Variants in CCDC7 observed in about 807,000 individuals in gnomAD.
CCDC7 encodes the protein coiled-coil domain containing 7, also known as coiled-coil domain-containing protein 7.
CCDC7 carries 183 observed loss-of-function variants against 196.9 expected under a neutral mutation model. That is an observed-to-expected ratio of 0.93 (90% CI 0.82 to 1.05). The LOEUF (loss-of-function observed/expected upper bound fraction) is 1.05, where lower values mean the gene tolerates loss of function less well. CCDC7 is among the 50% of genes least tolerant of loss of function. The pLI is 0.00. For synonymous variants in CCDC7, 525 were observed against 484.6 expected (o/e 1.08, Z -1.10); for missense variants, 1,540 against 1,482.2 (o/e 1.04, Z -0.64).
At chr10:32,881,292 TG>T (rs903395659), downstream of CCDC7, among the ~76,000 whole-genome samples, 44 of 152,260 alleles carry the variant, frequency 2.9e-4, no homozygotes, top group African/African-American at 1.1e-3. Context: ...GTTCTCAGTG[TG>T]TTGTGTTCTT....
At chr10:32,629,328 T>C (rs779720296) in intron 18 of CCDC7, among the ~76,000 whole-genome samples, 31 of 152,106 alleles carry the variant, frequency 2.0e-4, no homozygotes, top group Non-Finnish European at 4.0e-4. Flanking sequence ...TGCTCTCTTT[T>C]GGTTTCCTGG....
At chr10:32,496,183 C>G (rs2042891331) in intron 9 of CCDC7, among the ~76,000 whole-genome samples, 1 of 151,978 alleles carries the variant, frequency 6.6e-6, no homozygotes, top group South Asian at 2.1e-4. Context: ...CATGATTTGG[C>G]TCTCTGTCTG....
At chr10:32,597,240 C>G (rs1035424451) in intron 18 of CCDC7, among the ~76,000 whole-genome samples, 8 of 151,996 alleles carry the variant, frequency 5.3e-5, no homozygotes, top group Admixed American at 5.2e-4. Flanking sequence ...CTCTTTTTTT[C>G]TCTAAACTTC....
At chr10:32,524,253 A>G (rs973567469) in intron 11 of CCDC7, among the ~76,000 whole-genome samples, 3 of 152,102 alleles carry the variant, frequency 2.0e-5, no homozygotes, top group African/African-American at 7.2e-5. Context: ...TGAACAGAAT[A>G]CACGTGGAAA....
rs559588944 is a variant in CCDC7 at position 32,777,046 on chromosome 10, C to A, written c.2906-1931C>A. Among the ~76,000 whole-genome samples, 218 of 152,234 alleles carry A rather than the reference C, an allele frequency of 1.4e-3. 1 individual carries two copies. Among genetic ancestry groups the A allele is most frequent in the African/African-American group, 5.0e-3 (207 of 41,540 alleles). ...TACCCAAGAGGTCATTTTACCCCTT[C>A]TTCCTCCCCCTTTTAGTATTCCACA... On this transcript the variant is annotated intron_variant, in intron 28 of 41. Coordinates refer to ENST00000639629, the Ensembl canonical transcript of CCDC7.
intron 18 of CCDC7, among the ~76,000 whole-genome samples, chr10:32,625,759 T>C (rs1447989511): frequency 6.6e-6 from 1 of 152,160 alleles, no homozygotes. Context: ...GCAGCCCCCA[T>C]TCTGCTCTCT....
chr10:32,777,798 A>G (rs1423862608), intron 28 of CCDC7, among the ~76,000 whole-genome samples: 1 of 152,140 alleles, frequency 6.6e-6, no homozygotes, highest in African/African-American at 2.4e-5. Flanking sequence ...TGGGAGGCGG[A>G]GGTTGCAGTA....
At chr10:32,863,906 T>TAAAC (rs2094106841) in intron 41 of CCDC7, among the ~76,000 whole-genome samples, 2 of 134,594 alleles carry the variant, frequency 1.5e-5, no homozygotes, top group African/African-American at 2.7e-5. Context: ...AATAAATAAA[T>TAAAC]AAATAAGGCT....
chr10:32,879,818 TC>T (rs1254899162), downstream of CCDC7, among the ~76,000 whole-genome samples: 1 of 151,542 alleles, frequency 6.6e-6, no homozygotes, highest in Non-Finnish European at 1.5e-5. Context: ...GGTTTTCTGT[TC>T]CTGCATTAGT....
intron 20 of CCDC7, among the ~76,000 whole-genome samples, chr10:32,653,978 T>G (rs1051978905): frequency 6.6e-6 from 1 of 152,236 alleles, no homozygotes; most frequent in Non-Finnish European, 1.5e-5. Context: ...TTGGATGGTG[T>G]TGTACCAATT....
intron 39 of CCDC7, among the ~76,000 whole-genome samples, chr10:32,849,587 C>T (rs2093457282): frequency 6.6e-6 from 1 of 150,988 alleles, no homozygotes; most frequent in Non-Finnish European, 1.5e-5. Context: ...CCTGTAGTCC[C>T]AGCTACTTGG....
chr10:32,866,573 T>C (rs1162933298), intron 41 of CCDC7, among the ~76,000 whole-genome samples: 1 of 150,806 alleles, frequency 6.6e-6, no homozygotes, highest in Non-Finnish European at 1.5e-5. Context: ...TTGAACAAAA[T>C]AAAATCTATG....
At chr10:32,582,619 T>C (rs781494394) in intron 16 of CCDC7, among the ~76,000 whole-genome samples, 1 of 152,166 alleles carries the variant, frequency 6.6e-6, no homozygotes, top group African/African-American at 2.4e-5. Flanking sequence ...TGGTGAAAGA[T>C]GGTGATCTTT....
At chr10:32,801,995 T>G (rs2084894147) in intron 29 of CCDC7, among the ~76,000 whole-genome samples, 1 of 152,234 alleles carries the variant, frequency 6.6e-6, no homozygotes, top group Admixed American at 6.5e-5. Context: ...ATGTCCTCAC[T>G]TTAATAGTGG....
At position 32,773,839 on chromosome 10, in the gene CCDC7, TG is replaced by T. The variant is rs200284222; in HGVS notation, c.2906-5136del. 1.1e-3 allele frequency among the ~76,000 whole-genome samples: 161 copies of T among 152,318 alleles called. 2 individuals carry two copies. In the East Asian group the frequency reaches 0.011, roughly 10 times the overall value. ...TTGCTTAATACTAGAACTTAATTACTGGTCTGCTCTTGCTTCTGAGTCTGGG... is the reference window on the plus strand; with the variant it reads ...TTGCTTAATACTAGAACTTAATTACTGTCTGCTCTTGCTTCTGAGTCTGGG... On this transcript the variant is annotated intron_variant, in intron 28 of 41. Coordinates refer to ENST00000639629, the Ensembl canonical transcript of CCDC7.
At chr10:32,447,901 CA>C (rs1394190163), upstream of CCDC7, among the ~76,000 whole-genome samples, 4 of 151,736 alleles carry the variant, frequency 2.6e-5, no homozygotes, top group African/African-American at 9.7e-5. Flanking sequence ...AACTCTGTCT[CA>C]AAAAAACGAA....
chr10:32,729,070 C>G, intron 27 of CCDC7, 73 bp downstream of exon 28: 1 of 1,067,278 alleles, frequency 9.4e-7, no homozygotes, highest in Admixed American at 2.2e-5. Context: ...TTTGATTCGT[C>G]AGTGTGTACT....
chr10:32,759,683 G>T (rs1476500868), intron 28 of CCDC7, among the ~76,000 whole-genome samples: 1 of 152,100 alleles, frequency 6.6e-6, no homozygotes, highest in Non-Finnish European at 1.5e-5. Context: ...CATAGGCATG[G>T]GCAAGGACTT....
chr10:32,521,784 T>TA (rs1349210060), intron 11 of CCDC7, among the ~76,000 whole-genome samples: 1 of 152,164 alleles, frequency 6.6e-6, no homozygotes, highest in East Asian at 1.9e-4. Flanking sequence ...TTCCAGATCT[T>TA]AGAGAAAAGG....
Sources: gnomAD v4.1 joint callset for allele counts (sites outside exome capture counted in the v4.1 genomes callset) on GRCh38, gnomAD v4.1.1 for gene constraint, MANE v1.5 for transcripts, NCBI Gene and HGNC (gene_info 2026-07-23, HGNC 2026-07-21) for gene names.